The following C12orf42 variants were observed in gnomAD, a reference collection of about 807,000 sequenced individuals.
C12orf42 encodes chromosome 12 open reading frame 42.
Under a neutral mutation model 21.6 loss-of-function variants are expected in C12orf42, and 25 were observed. The observed-to-expected ratio is 1.16, with a 90% CI of 0.84 to 1.62. C12orf42 has a LOEUF of 1.62. Ranked by LOEUF, C12orf42 falls within the 40% of genes most tolerant of loss-of-function variation. The pLI is 0.00. For missense variants in C12orf42, 483 were observed against 459.3 expected (o/e 1.05, Z -0.47); for synonymous variants, 174 against 175.0 (o/e 0.99, Z 0.05).
At chr12:103,131,642 T>C in the C12orf42 span, among the ~76,000 whole-genome samples, 3 of 152,166 alleles carry the variant, frequency 2.0e-5, no homozygotes, top group East Asian at 5.8e-4. Flanking sequence ...AAGAAACCAA[T>C]CAAGAAAGAC....
intron 2 of C12orf42, among the ~76,000 whole-genome samples, chr12:103,432,525 G>C (rs7300757): frequency 6.6e-6 from 1 of 151,996 alleles, no homozygotes; most frequent in Admixed American, 6.5e-5. Flanking sequence ...CATACAATAG[G>C]AGGTTTCTGC....
At chr12:103,169,202 T>G in the C12orf42 span, among the ~76,000 whole-genome samples, 1 of 144,286 alleles carries the variant, frequency 6.9e-6, no homozygotes, top group Non-Finnish European at 1.5e-5. Flanking sequence ...ATAAATAAAA[T>G]AAAGATTAGG....
At chr12:103,114,923 T>C in the C12orf42 span, among the ~76,000 whole-genome samples, 72 of 152,314 alleles carry the variant, frequency 4.7e-4, no homozygotes, top group African/African-American at 1.7e-3. Context: ...TTGCAAGCCA[T>C]GCAAAAAAGG....
chr12:103,234,810 A>G (rs2033419656), downstream of C12orf42, among the ~76,000 whole-genome samples: 1 of 152,050 alleles, frequency 6.6e-6, no homozygotes, highest in Non-Finnish European at 1.5e-5. Context: ...TACAGCACTT[A>G]CTTTATTGCT....
In C12orf42 at chr12:103,393,666, T is replaced by G. The variant is rs537246063; in HGVS notation, c.147+7941A>C. 7.2e-5 allele frequency among the ~76,000 whole-genome samples: 11 copies of G among 152,320 alleles called. No homozygotes were observed. The East Asian group carries it at 2.1e-3, about 29-fold the overall frequency. ...TTCCCACACTGGAATGAAAACTCCA[T>G]GAGGTCAGAGTTTTTTTGTTCACTG... On this transcript the variant is annotated intron_variant, in intron 3 of 5. Coordinates refer to ENST00000548883, the MANE Select transcript of C12orf42 (RefSeq NM_198521.5).
chr12:103,180,789 C>T, the C12orf42 span, among the ~76,000 whole-genome samples: 5 of 151,024 alleles, frequency 3.3e-5, no homozygotes, highest in Admixed American at 6.6e-5. Flanking sequence ...CCACCACACC[C>T]GGCTAATTTT....
At chr12:103,234,561 A>C (rs1482287947), downstream of C12orf42, among the ~76,000 whole-genome samples, 4 of 152,198 alleles carry the variant, frequency 2.6e-5, no homozygotes, top group African/African-American at 9.6e-5. Context: ...TGCCTAGTGT[A>C]CTGGGGGATC....
intron 4 of C12orf42, among the ~76,000 whole-genome samples, chr12:103,319,117 G>A (rs2039826862): frequency 6.6e-6 from 1 of 152,108 alleles, no homozygotes; most frequent in Admixed American, 6.5e-5. Context: ...ATGATATTAA[G>A]ATGGGAAAAG....
chr12:103,066,621 T>C, the C12orf42 span, among the ~76,000 whole-genome samples: 1 of 152,222 alleles, frequency 6.6e-6, no homozygotes, highest in Non-Finnish European at 1.5e-5. Flanking sequence ...AGTGCACTGT[T>C]TGTGCTCTTT....
intron 4 of C12orf42, among the ~76,000 whole-genome samples, chr12:103,368,440 G>A (rs1251082843): frequency 6.6e-6 from 1 of 151,840 alleles, no homozygotes; most frequent in Non-Finnish European, 1.5e-5. Flanking sequence ...CATTCTCCCA[G>A]CTACCTAGAT....
At chr12:103,076,136 G>A in the C12orf42 span, among the ~76,000 whole-genome samples, 110 of 152,174 alleles carry the variant, frequency 7.2e-4, no homozygotes, top group Non-Finnish European at 1.3e-3. Flanking sequence ...CTATATAGAA[G>A]ATGGGTTGAT....
At chr12:103,330,697 C>T (rs928660069) in intron 4 of C12orf42, among the ~76,000 whole-genome samples, 4 of 152,186 alleles carry the variant, frequency 2.6e-5, no homozygotes, top group African/African-American at 9.7e-5. Context: ...TAACTCCCCA[C>T]AGAGCTTTAC....
the C12orf42 span, among the ~76,000 whole-genome samples, chr12:103,511,842 C>T: frequency 1.8e-3 from 268 of 152,174 alleles, 1 homozygote; most frequent in African/African-American, 6.0e-3. Flanking sequence ...AATATATAAA[C>T]GTAATTTTGA....
the C12orf42 span, chr12:103,557,876 T>C: frequency 6.6e-6 from 1 of 152,238 alleles, no homozygotes; most frequent in Non-Finnish European, 1.5e-5. Flanking sequence ...TTTTGTCTTC[T>C]TTAAGAATTC....
intron 4 of C12orf42, among the ~76,000 whole-genome samples, chr12:103,341,753 A>G (rs1293605853): frequency 6.6e-6 from 1 of 152,228 alleles, no homozygotes; most frequent in Non-Finnish European, 1.5e-5. Flanking sequence ...TTTTAAATAT[A>G]AAGACATAAA....
At position 103,487,189 on chromosome 12, in the gene C12orf42, T is replaced by C. The variant is rs561877589; in HGVS notation, c.-22+8713A>G. On this transcript the variant is annotated intron_variant, in intron 1 of 5. Coordinates refer to ENST00000548883, the MANE Select transcript of C12orf42 (RefSeq NM_198521.5). ...TCATTGGTTTCAAAGAACATCTTTATTTCTGCCTTCATTTCGTTATTTACC... is the reference window on the plus strand; with the variant it reads ...TCATTGGTTTCAAAGAACATCTTTACTTCTGCCTTCATTTCGTTATTTACC... 4.6e-5 allele frequency among the ~76,000 whole-genome samples: 7 copies of C among 152,344 alleles called. No homozygotes were observed. The South Asian group carries it at 1.4e-3, about 32-fold the overall frequency.
At chr12:103,505,458 C>G in the C12orf42 span, 1 of 372,684 alleles carries the variant, frequency 2.7e-6, no homozygotes, top group Non-Finnish European at 5.0e-6. Context: ...GAGAAATGAA[C>G]ACGTCTGGGT....
intron 2 of C12orf42, among the ~76,000 whole-genome samples, chr12:103,448,070 C>T (rs910113504): frequency 6.6e-5 from 10 of 152,006 alleles, no homozygotes; most frequent in Non-Finnish European, 1.3e-4. Context: ...GTCACCAAAA[C>T]AGCATGACTG....
the C12orf42 span, among the ~76,000 whole-genome samples, chr12:103,066,312 T>A: frequency 5.9e-5 from 9 of 152,292 alleles, no homozygotes; most frequent in East Asian, 1.7e-3. Flanking sequence ...TACACGTGAC[T>A]GGGCTGGAGC....
Sources: allele counts gnomAD v4.1 joint callset (sites outside exome capture counted in the v4.1 genomes callset), GRCh38; gene constraint gnomAD v4.1.1; transcripts MANE v1.5; gene names NCBI Gene and HGNC (gene_info 2026-07-23, HGNC 2026-07-21).